HIPK2: variants seen among roughly 807,000 people sequenced by gnomAD.
HIPK2 encodes the protein homeodomain-interacting protein kinase 2.
HIPK2 carries 27 observed loss-of-function variants against 113.7 expected under a neutral mutation model. That is an observed-to-expected ratio of 0.24 (90% CI 0.17 to 0.33). The LOEUF (loss-of-function observed/expected upper bound fraction) is 0.33, where lower values mean the gene tolerates loss of function less well. Among genes scored for constraint, HIPK2 ranks in the 10% least tolerant of loss-of-function variants. The pLI is 1.00. For synonymous variants in HIPK2, 631 were observed against 642.2 expected (o/e 0.98, Z 0.26); for missense variants, 1,257 against 1,588.0 (o/e 0.79, Z 3.54).
intron 13 of HIPK2, among the ~76,000 whole-genome samples, chr7:139,576,505 G>A (rs1365009880): frequency 6.6e-6 from 1 of 152,156 alleles, no homozygotes; most frequent in African/African-American, 2.4e-5. Flanking sequence ...GAGCTGGATG[G>A]CTTCCATGTT....
chr7:139,573,292 G>A lies in HIPK2; in HGVS notation c.3232C>T (p.Pro1078Ser). The stretch of plus-strand genomic sequence containing the variant: ...TGCGGGTGCACAGTGCCGTGGCTGG[G>A]GCTGTTGTGCGGGAAGGAGTACGGA... ...QAPYSFPHNS[P>S]SHGTVHPHLA... Residue 1078 changes from proline to serine, a missense_variant, in exon 15 of 15, where the codon CCC (proline) becomes TCC (serine). Physicochemically the swap from Pro to Ser is moderately conservative, Grantham distance 74 (BLOSUM62 -1). This residue lies in a region of HIPK2 where 862 missense variants were observed against 1,004.3 expected (regional missense o/e 0.86). Transcript: ENST00000406875. 3.1e-6 allele frequency: 5 copies of A among 1,605,124 alleles called. No homozygotes were observed. In the Admixed American group the frequency reaches 6.7e-5, roughly 21 times the overall value.
chr7:139,624,003 C>T (rs1800333510), intron 6 of HIPK2, among the ~76,000 whole-genome samples: 1 of 151,226 alleles, frequency 6.6e-6, no homozygotes, highest in Admixed American at 6.6e-5. Context: ...CCTCCATTAC[C>T]TTCCCATCCA....
intron 2 of HIPK2, among the ~76,000 whole-genome samples, chr7:139,696,854 C>A (rs1186917350): frequency 6.6e-6 from 1 of 152,126 alleles, no homozygotes; most frequent in Admixed American, 6.5e-5. Flanking sequence ...TTCTGTGCAT[C>A]CCCACAGGCC....
chr7:139,632,740 G>C (rs1356447788), intron 2 of HIPK2, among the ~76,000 whole-genome samples: 1 of 152,054 alleles, frequency 6.6e-6, no homozygotes, highest in Non-Finnish European at 1.5e-5. Context: ...ACAAAACCAG[G>C]CTCAAAGTTT....
chr7:139,596,721 T>C lies in HIPK2; in HGVS notation c.2713A>G (p.Thr905Ala). ...GCTAAGGTGGCACTGCCTCACCTGGTGGGGGCGTGTTTCTGTTCCTCCTCC... is the reference window on the plus strand; with the variant it reads ...GCTAAGGTGGCACTGCCTCACCTGGCGGGGGCGTGTTTCTGTTCCTCCTCC... ...DEEEEQKHAP[T>A]STVSKQRKNV... Residue 905 changes from threonine (T) to alanine (A), a missense_variant, in exon 12 of 15, where the codon ACC (threonine) becomes GCC (alanine). Thr to Ala is a moderately conservative substitution (Grantham distance 58, BLOSUM62 0). This residue lies in a region of HIPK2 where 862 missense variants were observed against 1,004.3 expected (regional missense o/e 0.86). Transcript: ENST00000406875. 6.2e-7 allele frequency: 1 copy of C among 1,609,052 alleles called. No homozygotes were observed.
chr7:139,678,045 T>C (rs1802565880), intron 2 of HIPK2, among the ~76,000 whole-genome samples: 1 of 152,256 alleles, frequency 6.6e-6, no homozygotes, highest in African/African-American at 2.4e-5. Flanking sequence ...TTCATATCCT[T>C]CGGCCACTTT....
chr7:139,643,275 GCTTC>G (rs1364540525), intron 2 of HIPK2, among the ~76,000 whole-genome samples: 1 of 152,082 alleles, frequency 6.6e-6, no homozygotes, highest in Non-Finnish European at 1.5e-5. Context: ...AAGGATGCAG[GCTTC>G]CTTGATTCAA....
intron 2 of HIPK2, among the ~76,000 whole-genome samples, chr7:139,668,084 C>A (rs1802113201): frequency 6.6e-6 from 1 of 150,376 alleles, no homozygotes; most frequent in Non-Finnish European, 1.5e-5. Flanking sequence ...CGAGATCAAA[C>A]CATTGCACTC....
chr7:139,611,945 T>C (rs945510368), intron 9 of HIPK2, among the ~76,000 whole-genome samples: 2 of 152,224 alleles, frequency 1.3e-5, no homozygotes, highest in African/African-American at 4.8e-5. Flanking sequence ...ATTCAATGTA[T>C]ATCCAGTAAA....
intron 9 of HIPK2, among the ~76,000 whole-genome samples, chr7:139,606,115 T>C (rs1418488079): frequency 6.6e-5 from 10 of 152,250 alleles, no homozygotes; most frequent in Non-Finnish European, 1.5e-4. Flanking sequence ...TTTTGACTTA[T>C]TTCACTGATT....
intron 12 of HIPK2, among the ~76,000 whole-genome samples, chr7:139,585,418 A>T (rs1325650390): frequency 2.6e-5 from 4 of 152,240 alleles, no homozygotes; most frequent in Non-Finnish European, 4.4e-5. Flanking sequence ...CCTGCTCCCC[A>T]ACGCCCAGCG....
chr7:139,622,301 G>A (rs776888844), intron 6 of HIPK2, among the ~76,000 whole-genome samples: 2 of 152,164 alleles, frequency 1.3e-5, no homozygotes, highest in African/African-American at 2.4e-5. Flanking sequence ...CATATTCTGC[G>A]GTATCCAGTA....
chr7:139,753,356 C>T (rs1198734408), intron 1 of HIPK2, among the ~76,000 whole-genome samples: 1 of 152,134 alleles, frequency 6.6e-6, no homozygotes, highest in African/African-American at 2.4e-5. Context: ...TCAGAGGGGA[C>T]CAGCAACCAC....
At chr7:139,698,215 G>A (rs1038696364) in intron 2 of HIPK2, among the ~76,000 whole-genome samples, 125 of 152,294 alleles carry the variant, frequency 8.2e-4, no homozygotes, top group African/African-American at 2.6e-3. Flanking sequence ...AGTATCATAC[G>A]ATACGTGTAT....
intron 12 of HIPK2, among the ~76,000 whole-genome samples, chr7:139,588,380 G>A (rs1798907760): frequency 6.6e-6 from 1 of 151,550 alleles, no homozygotes; most frequent in South Asian, 2.1e-4. Flanking sequence ...TCCTGGGTGT[G>A]GTGGCACATG....
chr7:139,708,129 C>T (rs555048145), intron 2 of HIPK2, among the ~76,000 whole-genome samples: 1 of 152,258 alleles, frequency 6.6e-6, no homozygotes, highest in Admixed American at 6.5e-5. Context: ...CCTCTCACCT[C>T]CACAGGGTCT....
intron 2 of HIPK2, among the ~76,000 whole-genome samples, chr7:139,644,212 T>C (rs759466657): frequency 2.6e-5 from 4 of 152,156 alleles, no homozygotes; most frequent in Non-Finnish European, 5.9e-5. Flanking sequence ...CAAAGAAGTA[T>C]ACAACAAAAA....
chr7:139,598,881 A>G (rs904181902), intron 11 of HIPK2, among the ~76,000 whole-genome samples: 4 of 152,248 alleles, frequency 2.6e-5, no homozygotes, highest in African/African-American at 9.6e-5. Context: ...TAATAATGAC[A>G]TGGGTGAGCT....
At position 139,563,604 on chromosome 7, in the gene HIPK2, A is replaced by C; in HGVS notation, c.*9323T>G. 2.6e-6 allele frequency: 1 copy of C among 387,840 alleles called. No individual in the cohort carries two copies. The highest frequency in any genetic ancestry group is 1.4e-4 in the South Asian group (1 of 6,914). The allele number at this position is 387,840 out of a possible 1,614,324, so 24.0% of individuals were successfully genotyped here. ...TATAAGCCCCAAAAACAATGACACAAAATTCATTTGGTTAATTCATGTAAA... is the reference window on the plus strand; with the variant it reads ...TATAAGCCCCAAAAACAATGACACACAATTCATTTGGTTAATTCATGTAAA... On this transcript the variant is annotated 3_prime_UTR_variant, in exon 15 of 15. Transcript: ENST00000406875.
Sources: allele counts gnomAD v4.1 joint callset (sites outside exome capture counted in the v4.1 genomes callset), GRCh38; gene constraint gnomAD v4.1.1; regional missense constraint gnomAD v4.1.1; transcripts MANE v1.5; gene names NCBI Gene and HGNC (gene_info 2026-07-23, HGNC 2026-07-21).